TPR: variants seen among roughly 807,000 people sequenced by gnomAD.
TPR encodes translocated promoter region, nuclear basket protein.
In TPR, 51 loss-of-function variants were observed where a neutral mutation model predicts 316.1. That is an observed-to-expected ratio of 0.16 (90% confidence interval 0.13 to 0.20). The LOEUF (loss-of-function observed/expected upper bound fraction) is 0.20, where lower values mean the gene tolerates loss of function less well. Ranked by LOEUF, TPR falls within the 10% of genes least tolerant of loss-of-function variation. The probability of loss-of-function intolerance (pLI) is 1.00; values close to 1 mark genes in which losing one functional copy is unlikely to be tolerated. For missense variants in TPR, 2,272 were observed against 2,754.8 expected (o/e 0.82, Z 3.92); for synonymous variants, 981 against 914.7 (o/e 1.07, Z -1.31).
chr1:186,345,739 C>CTTAATTGGAAA, intron 23 of TPR, 43 bp from the exon 24 acceptor site: 1 of 1,406,790 alleles, frequency 7.1e-7, no homozygotes, highest in Non-Finnish European at 1.0e-6. Flanking sequence ...TAATTGCAAA[C>CTTAATTGGAAA]TTACTTGGAA....
rs754603653 is a variant in TPR at position 186,352,113 on chromosome 1, A to G, written c.2335-3T>C. ...TTCTTCAAATTTTCTGCTCTTACCT[A>G]AACATAAGTAGAAATGAAATAAAAA... On this transcript the variant is annotated splice_polypyrimidine_tract_variant and splice_region_variant and intron_variant, in intron 18 of 50. Coordinates refer to ENST00000367478, the MANE Select transcript of TPR (RefSeq NM_003292.3). 1 of 1,588,532 alleles carries G rather than the reference A, an allele frequency of 6.3e-7. No individual in the cohort carries two copies. Among genetic ancestry groups the G allele is most frequent in the South Asian group, 1.2e-5 (1 of 85,986 alleles).
At chr1:186,361,557 CA>C in intron 9 of TPR, 64 bp downstream of exon 9, 1 of 1,494,658 alleles carries the variant, frequency 6.7e-7, no homozygotes, top group Non-Finnish European at 9.2e-7. Flanking sequence ...CTATACAAAA[CA>C]AGGGTAAAAA....
At chr1:186,365,308 C>G (rs1157072267) in intron 4 of TPR, among the ~76,000 whole-genome samples, 4 of 151,996 alleles carry the variant, frequency 2.6e-5, no homozygotes, top group Non-Finnish European at 5.9e-5. Context: ...GTTGACCAGG[C>G]TAGTCTCGAA....
In TPR at chr1:186,331,598, T is replaced by C; in HGVS notation, c.5605-17A>G. On this transcript the variant is annotated splice_polypyrimidine_tract_variant and intron_variant, in intron 38 of 50. Transcript: ENST00000367478. Reference sequence around the variant, plus strand: ...AACTTCTTCCTGTATCATAATACACTAATATATTAACCATATCAGTGTAGT... The same window carrying C: ...AACTTCTTCCTGTATCATAATACACCAATATATTAACCATATCAGTGTAGT... 6.4e-7 allele frequency: 1 copy of C among 1,572,142 alleles called. No homozygotes were observed. The highest frequency in any genetic ancestry group is 8.7e-7 in the Non-Finnish European group (1 of 1,148,122).
chr1:186,356,534 G>C (rs972133634), intron 14 of TPR, 85 bp from the exon 15 acceptor site: 1 of 1,282,812 alleles, frequency 7.8e-7, no homozygotes, highest in Non-Finnish European at 1.1e-6. Context: ...AAGCATCTTT[G>C]CCTACCATTC....
chr1:186,334,600 G>C (rs1388025994), intron 35 of TPR, 67 bp from the exon 36 acceptor site: 29 of 1,481,594 alleles, frequency 2.0e-5, no homozygotes, highest in Non-Finnish European at 2.7e-5. Flanking sequence ...TAAAAACACA[G>C]TGAGTATAGG....
chr1:186,315,895 C>G (rs1030131335), intron 49 of TPR, among the ~76,000 whole-genome samples: 4 of 146,498 alleles, frequency 2.7e-5, no homozygotes, highest in Non-Finnish European at 6.0e-5. Flanking sequence ...CATTAAGTAA[C>G]TGCACAGCTT....
chr1:186,343,078 G>A, intron 27 of TPR: 1 of 351,494 alleles, frequency 2.8e-6, no homozygotes. Flanking sequence ...GAGCAGGGAA[G>A]TTAAACAATG....
At chr1:186,341,414 T>C (rs1361215055) in intron 27 of TPR, 25 bp from the exon 28 acceptor site, 6 of 1,603,138 alleles carry the variant, frequency 3.7e-6, no homozygotes, top group Non-Finnish European at 5.1e-6. Context: ...TAAATATACA[T>C]ACCAACATCT....
At chr1:186,321,695 G>A (rs1657781384) in intron 45 of TPR, among the ~76,000 whole-genome samples, 1 of 152,152 alleles carries the variant, frequency 6.6e-6, no homozygotes, top group Non-Finnish European at 1.5e-5. Context: ...CTCATTAGTT[G>A]TTGAAATAAA....
intron 20 of TPR, among the ~76,000 whole-genome samples, 188 bp from the exon 21 acceptor site, chr1:186,350,576 C>T (rs780496792): frequency 7.2e-5 from 11 of 151,838 alleles, no homozygotes; most frequent in South Asian, 2.1e-4. Flanking sequence ...GACAGAAAAC[C>T]AAAGAGGTGA....
At chr1:186,343,181 G>C in intron 27 of TPR, 145 bp downstream of exon 27, 1 of 1,084,318 alleles carries the variant, frequency 9.2e-7, no homozygotes, top group Non-Finnish European at 1.3e-6. Flanking sequence ...TACTATATTA[G>C]TGTTTAACAA....
intron 48 of TPR, 144 bp downstream of exon 48, chr1:186,318,302 TG>T: frequency 1.9e-6 from 2 of 1,055,392 alleles, no homozygotes; most frequent in Non-Finnish European, 2.7e-6. Flanking sequence ...CACTCCAGCA[TG>T]GGCGACAGAG....
At position 186,318,835 on chromosome 1, in the gene TPR, A is replaced by G; in HGVS notation, c.6569-7T>C. The G allele has an allele frequency of 6.2e-7, 1 of 1,612,136 alleles. No homozygotes were observed. The highest frequency in any genetic ancestry group is 1.3e-5 in the African/African-American group (1 of 74,978). On this transcript the variant is annotated splice_polypyrimidine_tract_variant and splice_region_variant and intron_variant, in intron 46 of 50. Coordinates refer to ENST00000367478, the MANE Select transcript of TPR (RefSeq NM_003292.3). ...GTTTCATACATTCCTAAACCTAAAG[A>G]CAATTCTGAATATTAATGAATGACT...
intron 32 of TPR, 87 bp downstream of exon 32, chr1:186,336,926 G>A: frequency 6.4e-7 from 1 of 1,565,892 alleles, no homozygotes; most frequent in Admixed American, 1.7e-5. Context: ...ATTCCCACAT[G>A]GTAAGACAAA....
chr1:186,373,287 C>T, intron 2 of TPR, 72 bp downstream of exon 2: 1 of 996,008 alleles, frequency 1.0e-6, no homozygotes, highest in Non-Finnish European at 1.5e-6. Flanking sequence ...CAAATGTTTC[C>T]AAAGTATATA....
intron 14 of TPR, 142 bp from the exon 15 acceptor site, chr1:186,356,591 T>G: frequency 1.4e-6 from 1 of 726,896 alleles, no homozygotes; most frequent in Non-Finnish European, 2.1e-6. Flanking sequence ...ATGCTGAGTA[T>G]TTTATGAACT....
At chr1:186,350,153 A>C in intron 21 of TPR, 70 bp downstream of exon 21, 2 of 1,341,798 alleles carry the variant, frequency 1.5e-6, no homozygotes, top group Non-Finnish European at 1.0e-6. Flanking sequence ...CTATTTACTG[A>C]CAGGATATAT....
At position 186,350,234 on chromosome 1, in the gene TPR, C is replaced by A. The variant is rs577276112; in HGVS notation, c.2765G>T (p.Arg922Ile). The change falls in exon 21 of 51, where the codon AGA becomes ATA. Residue 922 changes from arginine to isoleucine, a missense_variant. Arg to Ile is a moderately conservative substitution (Grantham distance 97). This residue lies in a region of TPR where 757 missense variants were observed against 859.8 expected (regional missense o/e 0.88). Transcript: ENST00000367478. ...EVQVASQSSQRTGKGQPSNKE... is the reference protein window; with the variant it reads ...EVQVASQSSQITGKGQPSNKE... ...CTTATTTTATTTACCTTTACCAGTT[C>A]TCTGTGAAGACTGAGAAGCAACTTG... The A allele has an allele frequency of 3.4e-5, 54 of 1,607,224 alleles. 1 individual carries two copies. In the South Asian group the frequency reaches 5.0e-4, roughly 15 times the overall value.
Sources: gnomAD v4.1 joint callset for allele counts (sites outside exome capture counted in the v4.1 genomes callset) on GRCh38, gnomAD v4.1.1 for gene constraint, gnomAD v4.1.1 regional missense constraint, MANE v1.5 for transcripts, NCBI Gene and HGNC (gene_info 2026-07-23, HGNC 2026-07-21) for gene names.